Variants in TASP1 observed in about 807,000 individuals in gnomAD.
The protein encoded by TASP1 is taspase 1.
TASP1 carries 16 observed loss-of-function variants against 56.6 expected under a neutral mutation model. The ratio of observed to expected loss-of-function variants is 0.28; its 90% CI spans 0.19 to 0.43. The LOEUF (loss-of-function observed/expected upper bound fraction) is 0.43, where lower values mean the gene tolerates loss of function less well. TASP1 is among the 20% of genes least tolerant of loss of function. The pLI is 1.00. For missense variants in TASP1, 393 were observed against 511.6 expected, an observed-to-expected ratio of 0.77 and a Z score of 2.24; for synonymous variants, 179 against 184.2, an observed-to-expected ratio of 0.97 and a Z score of 0.23.
At chr20:13,255,396 T>G in the TASP1 span, among the ~76,000 whole-genome samples, 1 of 152,194 alleles carries the variant, frequency 6.6e-6, no homozygotes, top group Non-Finnish European at 1.5e-5. Context: ...GTGTGTGTGT[T>G]TTTAGCCAGA....
downstream of TASP1, among the ~76,000 whole-genome samples, chr20:13,386,314 A>G (rs2041162300): frequency 1.3e-5 from 2 of 152,202 alleles, no homozygotes; most frequent in Admixed American, 1.3e-4. Context: ...TGTGTTAAAA[A>G]CACACAGAAA....
the TASP1 span, among the ~76,000 whole-genome samples, chr20:13,292,700 A>G: frequency 2.0e-5 from 3 of 152,132 alleles, no homozygotes; most frequent in Admixed American, 2.0e-4. Context: ...CAGCCTTCAC[A>G]GCCAGAGGCA....
At chr20:13,538,500 C>T (rs2146928433) in intron 8 of TASP1, among the ~76,000 whole-genome samples, 1 of 152,304 alleles carries the variant, frequency 6.6e-6, no homozygotes, top group Non-Finnish European at 1.5e-5. Flanking sequence ...TCCTCGTATA[C>T]CTCTGTCAGG....
At chr20:13,258,768 A>C in the TASP1 span, among the ~76,000 whole-genome samples, 5 of 152,086 alleles carry the variant, frequency 3.3e-5, no homozygotes, top group Admixed American at 3.3e-4. Flanking sequence ...GTTCGAAAGG[A>C]GTTTGGGTGC....
the TASP1 span, among the ~76,000 whole-genome samples, chr20:13,349,800 G>T: frequency 8.2e-3 from 1,248 of 152,284 alleles, 16 homozygotes; most frequent in African/African-American, 0.029. Flanking sequence ...TCAATCATAT[G>T]TCTATACATT....
At chr20:13,159,090 G>A in the TASP1 span, among the ~76,000 whole-genome samples, 638 of 152,320 alleles carry the variant, frequency 4.2e-3, 2 homozygotes, top group African/African-American at 0.014. Context: ...CTTTTTGTCT[G>A]ACCTTGGCTC....
At chr20:13,263,544 G>A in the TASP1 span, among the ~76,000 whole-genome samples, 63 of 152,078 alleles carry the variant, frequency 4.1e-4, no homozygotes, top group Non-Finnish European at 1.5e-5. Flanking sequence ...CTCTTCAAAT[G>A]GCAAAACTTT....
chr20:13,609,720 A>G (rs562736183), intron 4 of TASP1, among the ~76,000 whole-genome samples: 1 of 151,916 alleles, frequency 6.6e-6, no homozygotes, highest in East Asian at 1.9e-4. Context: ...TTAAACATAG[A>G]ATTAATTACC....
At chr20:13,489,862 T>G (rs536024895) in intron 10 of TASP1, among the ~76,000 whole-genome samples, 4 of 152,308 alleles carry the variant, frequency 2.6e-5, no homozygotes, top group South Asian at 4.1e-4. Context: ...CTCCAGAACT[T>G]TTTCATATTC....
chr20:13,456,833 G>T (rs1170631740), intron 11 of TASP1, among the ~76,000 whole-genome samples: 3 of 151,838 alleles, frequency 2.0e-5, no homozygotes, highest in African/African-American at 2.4e-5. Flanking sequence ...AATGAGAAAA[G>T]AACTAAATAC....
At chr20:13,127,977 ATG>A in the TASP1 span, among the ~76,000 whole-genome samples, 1 of 152,198 alleles carries the variant, frequency 6.6e-6, no homozygotes, top group Non-Finnish European at 1.5e-5. Context: ...ATTCACTCGT[ATG>A]TGGCCTTAGA....
intron 1 of TASP1, among the ~76,000 whole-genome samples, 154 bp downstream of exon 1, chr20:13,638,740 C>A (rs1283665088): frequency 2.0e-5 from 3 of 152,360 alleles, no homozygotes; most frequent in Middle Eastern, 3.4e-3. Context: ...TCCTGGCCCC[C>A]TCCTCTAGCC....
chr20:13,605,687 AT>A (rs1212298160), intron 4 of TASP1, among the ~76,000 whole-genome samples: 15 of 152,144 alleles, frequency 9.9e-5, no homozygotes, highest in South Asian at 2.1e-4. Context: ...CTAAAAAAAA[AT>A]AATAATAAAT....
intron 12 of TASP1, among the ~76,000 whole-genome samples, chr20:13,428,287 G>T (rs915210989): frequency 1.3e-5 from 2 of 152,064 alleles, no homozygotes; most frequent in African/African-American, 4.8e-5. Flanking sequence ...ACTAAGCTTG[G>T]CTGTTTATGC....
At chr20:13,446,706 G>A (rs2043425516) in intron 11 of TASP1, among the ~76,000 whole-genome samples, 2 of 152,074 alleles carry the variant, frequency 1.3e-5, no homozygotes, top group Admixed American at 1.3e-4. Context: ...AGAAAAAACG[G>A]AGTTCTTTGT....
chr20:13,576,010 G>A (rs376544340), intron 6 of TASP1, among the ~76,000 whole-genome samples: 13 of 151,942 alleles, frequency 8.6e-5, no homozygotes, highest in African/African-American at 2.7e-4. Flanking sequence ...TCAGGTGTTC[G>A]AGATCAGCCT....
At chr20:13,215,156 T>G in the TASP1 span, among the ~76,000 whole-genome samples, 1 of 152,188 alleles carries the variant, frequency 6.6e-6, no homozygotes, top group African/African-American at 2.4e-5. Flanking sequence ...GTCTTGGAAG[T>G]TAGGAAACCT....
chr20:13,272,578 C>T, the TASP1 span, among the ~76,000 whole-genome samples: 7 of 152,242 alleles, frequency 4.6e-5, no homozygotes, highest in East Asian at 1.3e-3. Context: ...CACAGAGTGA[C>T]AAATATTTTG....
chr20:13,270,438 T>G, the TASP1 span: 25 of 1,527,260 alleles, frequency 1.6e-5, no homozygotes, highest in Non-Finnish European at 2.2e-5. Flanking sequence ...TATAATGGAC[T>G]GTTAAGGGTG....
Sources: allele counts gnomAD v4.1 joint callset (sites outside exome capture counted in the v4.1 genomes callset), GRCh38; gene constraint gnomAD v4.1.1; transcripts MANE v1.5; gene names NCBI Gene and HGNC (gene_info 2026-07-23, HGNC 2026-07-21).